NR2C2: variants seen among roughly 807,000 people sequenced by gnomAD.
NR2C2 encodes nuclear receptor subfamily 2 group C member 2.
NR2C2 carries 6 observed loss-of-function variants against 62.9 expected under a neutral mutation model. The ratio of observed to expected loss-of-function variants is 0.10; its 90% CI spans 0.05 to 0.19. The LOEUF (loss-of-function observed/expected upper bound fraction) is 0.19. NR2C2 is among the 10% of genes least tolerant of loss of function. The pLI is 1.00. For synonymous variants in NR2C2, 272 were observed against 273.8 expected, an observed-to-expected ratio of 0.99 and a Z score of 0.07; for missense variants, 479 against 762.7, an observed-to-expected ratio of 0.63 and a Z score of 4.38.
At chr3:14,984,381 G>A (rs1416567599) in intron 1 of NR2C2, among the ~76,000 whole-genome samples, 1 of 151,550 alleles carries the variant, frequency 6.6e-6, no homozygotes, top group Non-Finnish European at 1.5e-5. Flanking sequence ...TAAATTTTTA[G>A]GATAGATACT....
chr3:14,958,389 T>C (rs886414010), intron 1 of NR2C2, among the ~76,000 whole-genome samples: 2 of 152,030 alleles, frequency 1.3e-5, no homozygotes, highest in African/African-American at 4.8e-5. Context: ...TTTTGGCAGC[T>C]AATCAGGTTC....
intron 2 of NR2C2, among the ~76,000 whole-genome samples, chr3:15,005,305 G>A (rs1471544852): frequency 6.9e-6 from 1 of 145,872 alleles, no homozygotes; most frequent in East Asian, 2.1e-4. Context: ...TCCCATCTAC[G>A]CCTCCCAAGT....
intron 1 of NR2C2, among the ~76,000 whole-genome samples, chr3:14,972,188 T>C (rs566177411): frequency 1.9e-3 from 282 of 150,072 alleles, no homozygotes; most frequent in Non-Finnish European, 3.3e-3. Flanking sequence ...TTTTTTTTTT[T>C]TTCTGAGACA....
At position 15,045,543 on chromosome 3, in the gene NR2C2, G is replaced by A. The variant is rs2042418938; in HGVS notation, c.*2535G>A. On this transcript the variant is annotated 3_prime_UTR_variant, in exon 14 of 14. Coordinates refer to ENST00000425241, the MANE Select transcript of NR2C2 (RefSeq NM_001291694.2). Reference sequence around the variant, plus strand: ...TTGGTTGGTTTCTGAGATCCTCTTGGCCTTACTTTGAAGTGGCCTTTTCTT... The same window carrying A: ...TTGGTTGGTTTCTGAGATCCTCTTGACCTTACTTTGAAGTGGCCTTTTCTT... The A allele has an allele frequency of 6.6e-6, 1 of 151,254 alleles. No individual in the cohort carries two copies. The highest frequency in any genetic ancestry group is 2.4e-5 in the African/African-American group (1 of 41,358). The allele number at this position is 151,254 out of a possible 1,614,324, so 9.4% of individuals were successfully genotyped here.
chr3:15,031,203 C>A (rs1373297874), intron 9 of NR2C2, among the ~76,000 whole-genome samples: 1 of 152,186 alleles, frequency 6.6e-6, no homozygotes, highest in Non-Finnish European at 1.5e-5. Flanking sequence ...GCTCTGCCCT[C>A]TAGAGCCACA....
chr3:14,948,683 C>G (rs772640869), intron 1 of NR2C2: 2 of 152,746 alleles, frequency 1.3e-5, no homozygotes, highest in African/African-American at 4.8e-5. Context: ...TTCCCTCCGC[C>G]TGGAACGCGT....
At chr3:15,022,642 A>G (rs1029328552) in intron 5 of NR2C2, among the ~76,000 whole-genome samples, 2 of 152,000 alleles carry the variant, frequency 1.3e-5, no homozygotes, top group African/African-American at 2.4e-5. Flanking sequence ...CGGCTTCCCA[A>G]AGTGCTGGGA....
At chr3:15,030,972 C>T (rs776569589) in intron 9 of NR2C2, among the ~76,000 whole-genome samples, 10 of 152,192 alleles carry the variant, frequency 6.6e-5, no homozygotes, top group African/African-American at 9.7e-5. Flanking sequence ...GCTCACAGTG[C>T]CATTTGGTTC....
chr3:14,972,773 C>T (rs751842157), intron 1 of NR2C2, among the ~76,000 whole-genome samples: 48 of 152,138 alleles, frequency 3.2e-4, no homozygotes, highest in Non-Finnish European at 6.0e-4. Context: ...GAGAGCTTTA[C>T]TCATGGTGGC....
intron 1 of NR2C2, among the ~76,000 whole-genome samples, chr3:14,950,989 A>G (rs2039340011): frequency 6.6e-6 from 1 of 152,186 alleles, no homozygotes; most frequent in South Asian, 2.1e-4. Flanking sequence ...AAAATGACCC[A>G]TTTCAATAGT....
chr3:15,001,944 T>C (rs1354299735), intron 1 of NR2C2, among the ~76,000 whole-genome samples: 1 of 152,212 alleles, frequency 6.6e-6, no homozygotes, highest in Non-Finnish European at 1.5e-5. Context: ...TCTTATATCC[T>C]GCAACCCTGA....
At chr3:14,979,423 G>A (rs555125536) in intron 1 of NR2C2, among the ~76,000 whole-genome samples, 5 of 152,078 alleles carry the variant, frequency 3.3e-5, no homozygotes, top group African/African-American at 7.2e-5. Flanking sequence ...TATTCTGTTC[G>A]CATGAAGCTT....
Position 15,047,196 on chromosome 3 carries a change from A to G in NR2C2, c.*4188A>G, listed in dbSNP as rs1250754043. 1 of 152,614 alleles carries G rather than the reference A, an allele frequency of 6.6e-6. No homozygotes were observed. The highest frequency in any genetic ancestry group is 1.5e-5 in the Non-Finnish European group (1 of 68,054). The allele number at this position is 152,614 out of a possible 1,614,324, so 9.5% of individuals were successfully genotyped here. The stretch of plus-strand genomic sequence containing the variant: ...CATAAAGTTGCTAATGTAAACTGAT[A>G]TGGGTGTTCCAAGGTCCCTCGGCAG... On this transcript the variant is annotated 3_prime_UTR_variant, in exon 14 of 14. Transcript: ENST00000425241.
chr3:15,043,091 G>C lies in NR2C2; in HGVS notation c.*83G>C. ...AAGAAAAGTAGTGGTATTTTGGTATGTGCAAATATTTCCATATGTTAGCCA... is the reference window on the plus strand; with the variant it reads ...AAGAAAAGTAGTGGTATTTTGGTATCTGCAAATATTTCCATATGTTAGCCA... On this transcript the variant is annotated 3_prime_UTR_variant, in exon 14 of 14. Coordinates refer to ENST00000425241, the MANE Select transcript of NR2C2 (RefSeq NM_001291694.2). 1 of 1,338,508 alleles carries C rather than the reference G, an allele frequency of 7.5e-7. No individual in the cohort carries two copies. The highest frequency in any genetic ancestry group is 1.0e-6 in the Non-Finnish European group (1 of 995,638). 82.9% of individuals were successfully genotyped at this position (1,338,508 alleles called of 1,614,324 possible).
intron 1 of NR2C2, among the ~76,000 whole-genome samples, chr3:14,993,755 C>T (rs2040736746): frequency 6.6e-6 from 1 of 152,182 alleles, no homozygotes; most frequent in South Asian, 2.1e-4. Context: ...AAATTTATTA[C>T]TGAGCCTACA....
intron 8 of NR2C2, among the ~76,000 whole-genome samples, chr3:15,029,876 A>G (rs549122144): frequency 2.0e-5 from 3 of 152,060 alleles, no homozygotes; most frequent in Non-Finnish European, 2.9e-5. Context: ...GAGAGAAAGA[A>G]AAAGAGAAAG....
intron 1 of NR2C2, among the ~76,000 whole-genome samples, chr3:14,999,669 AT>A (rs56034439): frequency 0.23 from 33,842 of 146,956 alleles, 4,271 homozygotes; most frequent in Middle Eastern, 0.32. Context: ...ATCCATTTTG[AT>A]TTTTTTTTTT....
chr3:15,033,074 C>T (rs1383628196), intron 10 of NR2C2, among the ~76,000 whole-genome samples: 7 of 152,126 alleles, frequency 4.6e-5, no homozygotes, highest in Admixed American at 3.9e-4. Context: ...GTGCAGCTGC[C>T]ACCGTGCCAT....
At position 15,028,207 on chromosome 3, in the gene NR2C2, A is replaced by G. The variant is rs369062950; in HGVS notation, c.799-379A>G. Among the ~76,000 whole-genome samples, 6 of 152,162 alleles carry G rather than the reference A, an allele frequency of 3.9e-5. No individual in the cohort carries two copies. In the East Asian group the frequency reaches 7.7e-4, roughly 20 times the overall value. On this transcript the variant is annotated intron_variant, in intron 7 of 13. Transcript: ENST00000425241. Reference sequence around the variant, plus strand: ...GTTGTCTTTTTATTATTGAGTTGTTAGCGTTCCTTAGACATTCTGGCTACT... The same window carrying G: ...GTTGTCTTTTTATTATTGAGTTGTTGGCGTTCCTTAGACATTCTGGCTACT...
Sources: allele counts gnomAD v4.1 joint callset (sites outside exome capture counted in the v4.1 genomes callset), GRCh38; gene constraint gnomAD v4.1.1; transcripts MANE v1.5; gene names NCBI Gene and HGNC (gene_info 2026-07-23, HGNC 2026-07-21).